Variants in KLHL35 observed in about 807,000 individuals in gnomAD.
KLHL35 encodes kelch like family member 35, also known as kelch-like protein 35.
KLHL35 carries 50 observed loss-of-function variants against 44.0 expected under a neutral mutation model. The observed-to-expected ratio is 1.14, with a 90% CI of 0.91 to 1.44. KLHL35 has a LOEUF of 1.44. Among genes scored for constraint, KLHL35 ranks in the 40% most tolerant of loss-of-function variants. KLHL35 has a pLI of 0.00. For synonymous variants in KLHL35, 470 were observed against 410.4 expected (o/e 1.15, Z -1.76); for missense variants, 1,049 against 887.8 (o/e 1.18, Z -2.31).
In KLHL35 at chr11:75,425,586, A is replaced by C; in HGVS notation, c.1186-5T>G. ...GAAGCCACCCACCGCGAACAGCTGC[A>C]AGTGAGGACATGGGCCGGGGAGCCG... is the stretch of plus-strand genomic sequence containing the variant. On this transcript the variant is annotated splice_region_variant and splice_polypyrimidine_tract_variant and intron_variant, in intron 4 of 6. Coordinates refer to ENST00000539798, the MANE Select transcript of KLHL35 (RefSeq NM_001039548.3). The C allele has an allele frequency of 6.8e-7, 1 of 1,470,464 alleles. No homozygotes were observed. Among genetic ancestry groups the C allele is most frequent in the Non-Finnish European group, 8.9e-7 (1 of 1,117,382 alleles). The allele number at this position is 1,470,464 out of a possible 1,614,324, so 91.1% of individuals were successfully genotyped here.
intron 3 of KLHL35, among the ~76,000 whole-genome samples, chr11:75,427,599 C>T (rs1262939164): frequency 1.3e-5 from 2 of 152,208 alleles, no homozygotes; most frequent in Non-Finnish European, 2.9e-5. Flanking sequence ...TTCTCCTGCT[C>T]CTTACTCTTT....
chr11:75,429,215 T>A (rs1168170860), intron 2 of KLHL35, among the ~76,000 whole-genome samples: 1 of 152,212 alleles, frequency 6.6e-6, no homozygotes, highest in Non-Finnish European at 1.5e-5. Context: ...AGAATTTCCA[T>A]ACCCTTTTAG....
chr11:75,429,671 AGAT>A (rs1948516836), intron 2 of KLHL35, 75 bp downstream of exon 2: 1 of 1,366,714 alleles, frequency 7.3e-7, no homozygotes, highest in Non-Finnish European at 9.4e-7. Context: ...CAGTACTAAA[AGAT>A]GATGAAAGAA....
rs1948519782 is a variant in KLHL35, at chr11:75,429,918, G to A, written c.712C>T (p.Leu238=). 2.0e-6 allele frequency: 3 copies of A among 1,488,390 alleles called. No homozygotes were observed. The highest frequency in any genetic ancestry group is 1.8e-6 in the Non-Finnish European group (2 of 1,128,948). The allele number at this position is 1,488,390 out of a possible 1,614,324, so 92.2% of individuals were successfully genotyped here. A position where few individuals can be genotyped will look rare whatever the true frequency, so the allele number is the denominator to read the frequency against. The change falls in exon 2 of 7, where the codon CTG becomes TTG. Residue 238 remains leucine (L), a synonymous_variant. Coordinates refer to ENST00000539798, the MANE Select transcript of KLHL35 (RefSeq NM_001039548.3). ...AGCGGCAGGCGCACGTGCTCCAGCA[G>A]GCGTCGCAGCTGGCCGCGGCGGGCC... The part of the protein sequence containing the change: ...APARRGQLRR[L]LEHVRLPLLA...
chr11:75,423,955 C>T (rs550920801), intron 5 of KLHL35, 75 bp from the exon 6 acceptor site: 9 of 1,189,162 alleles, frequency 7.6e-6, no homozygotes, highest in Non-Finnish European at 9.4e-6. Context: ...CATGCTGCCA[C>T]CTCTCCCCCC....
In KLHL35 at chr11:75,430,116, C is replaced by CGGCCAGCGG. The variant is rs766894259; in HGVS notation, c.505_513dup (p.Pro169_Ala171dup). The CGGCCAGCGG allele has an allele frequency of 7.3e-4, 939 of 1,280,166 alleles. 1 individual carries two copies. The highest frequency in any genetic ancestry group is 1.5e-3 in the South Asian group (61 of 41,182). 79.3% of individuals were successfully genotyped at this position (1,280,166 alleles called of 1,614,324 possible). On this transcript the variant is annotated inframe_insertion, in exon 2 of 7. Coordinates refer to ENST00000539798, the MANE Select transcript of KLHL35 (RefSeq NM_001039548.3). ...TGACGCAGGACGCGGCCGCAGCGCTCGGCCAGCGGGGCCAGCGAGAAGGCG... is the reference window on the plus strand; with the variant it reads ...TGACGCAGGACGCGGCCGCAGCGCTCGGCCAGCGGGGCCAGCGGGGCCAGCGAGAAGGCG...
At chr11:75,427,263 T>C (rs990198045) in intron 3 of KLHL35, among the ~76,000 whole-genome samples, 2 of 152,068 alleles carry the variant, frequency 1.3e-5, no homozygotes, top group Non-Finnish European at 2.9e-5. Flanking sequence ...AGGCCCAGCA[T>C]TGGTGCTGCT....
At chr11:75,424,700 G>C (rs2135078989) in intron 5 of KLHL35, 1 of 152,358 alleles carries the variant, frequency 6.6e-6, no homozygotes, top group African/African-American at 2.4e-5. Context: ...CCTAATTTGG[G>C]AAAGAGTCAA....
Position 75,422,801 on chromosome 11 carries a change from T to G in KLHL35, c.1564-33A>C, listed in dbSNP as rs780116032. The G allele has an allele frequency of 6.3e-6, 10 of 1,597,516 alleles. No individual in the cohort carries two copies. The South Asian group carries it at 1.1e-4, about 18-fold the overall frequency. ...GACAAACAGAAAGACAACTATCAGGTCCAGCCTGGGGCTTCCTCTGTCCCT... is the reference window on the plus strand; with the variant it reads ...GACAAACAGAAAGACAACTATCAGGGCCAGCCTGGGGCTTCCTCTGTCCCT... On this transcript the variant is annotated intron_variant, in intron 6 of 6. Transcript: ENST00000539798.
rs766481467 is a variant in KLHL35 at position 75,428,428 on chromosome 11, G to C, written c.1066+14C>G. 2 of 1,611,544 alleles carry C rather than the reference G, an allele frequency of 1.2e-6. No homozygotes were observed. The highest frequency in any genetic ancestry group is 1.7e-6 in the Non-Finnish European group (2 of 1,179,646). On this transcript the variant is annotated intron_variant, in intron 3 of 6. Transcript: ENST00000539798. Reference sequence around the variant, plus strand: ...TCAATCCCGTGTGAGCTCCCGTTGCGGCTCCGCCCTCACCGGAGACGTAGA... The same window carrying C: ...TCAATCCCGTGTGAGCTCCCGTTGCCGCTCCGCCCTCACCGGAGACGTAGA...
At position 75,430,453 on chromosome 11, in the gene KLHL35, G is replaced by A; in HGVS notation, c.177C>T (p.Leu59=). 7.2e-7 allele frequency: 1 copy of A among 1,392,170 alleles called. No individual in the cohort carries two copies. Among genetic ancestry groups the A allele is most frequent in the African/African-American group, 1.5e-5 (1 of 65,724 alleles). 86.2% of individuals were successfully genotyped at this position (1,392,170 alleles called of 1,614,324 possible). ...TGCGGAAGTAGGCGCTGCCCGCGCT[G>A]AGCGCCGCGCGGTGGCACGGAAAGT... ...GRDFPCHRAA[L]SAGSAYFRSL... is the part of the protein sequence containing the mutation. Residue 59 remains leucine, a synonymous_variant, in exon 2 of 7, where the codon CTC becomes CTT. Coordinates refer to ENST00000539798, the MANE Select transcript of KLHL35 (RefSeq NM_001039548.3).
Position 75,425,298 on chromosome 11 carries a change from A to C in KLHL35, c.1374+95T>G, listed in dbSNP as rs1948479547. On this transcript the variant is annotated intron_variant, in intron 5 of 6. Transcript: ENST00000539798. ...GGCTGTTGATGGGATTAAGTGAATA[A>C]ATGGACAAGGGCATGGAAACGCCCA... 5 of 1,317,848 alleles carry C rather than the reference A, an allele frequency of 3.8e-6. No homozygotes were observed. The South Asian group carries it at 7.6e-5, about 20-fold the overall frequency. 81.6% of individuals were successfully genotyped at this position (1,317,848 alleles called of 1,614,324 possible).
At position 75,428,571 on chromosome 11, in the gene KLHL35, G is replaced by T. The variant is rs1014300257; in HGVS notation, c.937C>A (p.Leu313Ile). Reference protein sequence around the residue: ...VVIGGCDRKGLLKLPFADAYH... With the variant: ...VVIGGCDRKGILKLPFADAYH... ...GCATCGGCGAAGGGCAGCTTCAGGA[G>T]ACCTTTGCGGTCGCAACCGCCGATG... Residue 313 changes from leucine to isoleucine, a missense_variant, in exon 3 of 7, where the codon CTC becomes ATC. Coordinates refer to ENST00000539798, the MANE Select transcript of KLHL35 (RefSeq NM_001039548.3). 1 of 1,608,592 alleles carries T rather than the reference G, an allele frequency of 6.2e-7. No homozygotes were observed. Among genetic ancestry groups the T allele is most frequent in the Non-Finnish European group, 8.5e-7 (1 of 1,177,976 alleles).
At chr11:75,431,814 G>C (rs765034713) in intron 1 of KLHL35, among the ~76,000 whole-genome samples, 1 of 152,216 alleles carries the variant, frequency 6.6e-6, no homozygotes, top group Non-Finnish European at 1.5e-5. Flanking sequence ...CTAGTACACA[G>C]TACGAGCTAC....
In KLHL35 at chr11:75,430,039, G is replaced by C. The variant is rs1310812220; in HGVS notation, c.591C>G (p.Asp197Glu). 22 of 1,415,662 alleles carry C rather than the reference G, an allele frequency of 1.6e-5. No individual in the cohort carries two copies. Among genetic ancestry groups the C allele is most frequent in the Non-Finnish European group, 2.0e-5 (22 of 1,086,684 alleles). 87.7% of individuals were successfully genotyped at this position (1,415,662 alleles called of 1,614,324 possible). A position where few individuals can be genotyped will look rare whatever the true frequency, so the allele number is the denominator to read the frequency against. Reference sequence around the variant, plus strand: ...GGTCCGCCAGCAGCGCCACCACCTCGTCAGGCGCCAGCTCCAGGAAGTCGG... The same window carrying C: ...GGTCCGCCAGCAGCGCCACCACCTCCTCAGGCGCCAGCTCCAGGAAGTCGG... ...RHADFLELAP[D>E]EVVALLADPA... is the part of the protein sequence containing the mutation. Residue 197 changes from aspartate to glutamate, a missense_variant, in exon 2 of 7, where the codon GAC (aspartate) becomes GAG (glutamate). Coordinates refer to ENST00000539798, the MANE Select transcript of KLHL35 (RefSeq NM_001039548.3).
chr11:75,426,697 A>C, intron 3 of KLHL35, 59 bp from the exon 4 acceptor site: 3 of 1,203,410 alleles, frequency 2.5e-6, no homozygotes, highest in East Asian at 2.6e-5. Flanking sequence ...AGCACCCCCA[A>C]AGAGCTAGAA....
intron 2 of KLHL35, 36 bp from the exon 3 acceptor site, chr11:75,428,662 C>A: frequency 6.6e-7 from 1 of 1,518,162 alleles, no homozygotes; most frequent in Non-Finnish European, 8.9e-7. Flanking sequence ...TGTTGGGCCG[C>A]ACCCAAGTTC....
At chr11:75,423,512 T>G in intron 6 of KLHL35, 180 bp downstream of exon 6, 1 of 617,982 alleles carries the variant, frequency 1.6e-6, no homozygotes, top group East Asian at 2.7e-5. Context: ...GGCCAGGTGC[T>G]GAACCTCTCT....
At chr11:75,422,832 GC>G (rs1948461613) in intron 6 of KLHL35, 64 bp from the exon 7 acceptor site, 2 of 1,479,206 alleles carry the variant, frequency 1.4e-6, no homozygotes, top group Admixed American at 1.7e-5. Flanking sequence ...TCCCTGCCTG[GC>G]CAGGCCAGAT....
Sources: allele counts gnomAD v4.1 joint callset (sites outside exome capture counted in the v4.1 genomes callset), GRCh38; gene constraint gnomAD v4.1.1; transcripts MANE v1.5; gene names NCBI Gene and HGNC (gene_info 2026-07-23, HGNC 2026-07-21).